Variants in SLC7A6OS observed in about 807,000 individuals in gnomAD.
SLC7A6OS encodes the protein solute carrier family 7 member 6 opposite strand, also known as probable RNA polymerase II nuclear localization protein SLC7A6OS.
A neutral mutation model predicts 34.3 loss-of-function variants in SLC7A6OS; 22 were observed. The observed-to-expected ratio is 0.64, with a 90% CI of 0.46 to 0.92. The LOEUF is 0.92. SLC7A6OS is among the 40% of genes least tolerant of loss of function. SLC7A6OS has a pLI of 0.00. For synonymous variants in SLC7A6OS, 199 were observed against 165.0 expected, an observed-to-expected ratio of 1.21 and a Z score of -1.58; for missense variants, 434 against 407.7, an observed-to-expected ratio of 1.06 and a Z score of -0.56.
intron 2 of SLC7A6OS, 67 bp from the exon 3 acceptor site, chr16:68,304,299 C>G: frequency 6.9e-7 from 1 of 1,446,078 alleles, no homozygotes; most frequent in Non-Finnish European, 9.7e-7. Context: ...GAGGAGGAAC[C>G]TATGAGTTGG....
At position 68,310,617 on chromosome 16, in the gene SLC7A6OS, G is replaced by C. The variant is rs753002487; in HGVS notation, c.193-4C>G. 2.9e-5 allele frequency: 46 copies of C among 1,591,744 alleles called. No homozygotes were observed. The South Asian group carries it at 4.9e-4, about 17-fold the overall frequency. ...GGAGAGGCTGGACTGGTTCCTCCTAGGGGGCAACAGGGGACGGAGGCCAGC... is the reference window on the plus strand; with the variant it reads ...GGAGAGGCTGGACTGGTTCCTCCTACGGGGCAACAGGGGACGGAGGCCAGC... On this transcript the variant is annotated splice_polypyrimidine_tract_variant and splice_region_variant and intron_variant, in intron 1 of 4. Coordinates refer to ENST00000263997, the MANE Select transcript of SLC7A6OS (RefSeq NM_032178.3).
chr16:68,298,622 T>C lies in SLC7A6OS; in HGVS notation c.*2653A>G, dbSNP rs1053561531. The C allele has an allele frequency of 1.3e-5, 2 of 152,246 alleles. No individual in the cohort carries two copies. The highest frequency in any genetic ancestry group is 4.8e-5 in the African/African-American group (2 of 41,458). The allele number at this position is 152,246 out of a possible 1,614,324, so 9.4% of individuals were successfully genotyped here. A position where few individuals can be genotyped will look rare whatever the true frequency, so the allele number is the denominator to read the frequency against. ...AGCTTGGTACTTGTGGGGACTTCTG[T>C]TTTCTCCCTGTGGAGATCAGTGAAG... On this transcript the variant is annotated 3_prime_UTR_variant, in exon 5 of 5. Transcript: ENST00000263997.
rs774366753 is a variant in SLC7A6OS at position 68,310,929 on chromosome 16, T to C, written c.-3A>G. On this transcript the variant is annotated 5_prime_UTR_variant, in exon 1 of 5. Transcript: ENST00000263997. The stretch of plus-strand genomic sequence containing the variant: ...ACAGCGGTCCTGGCGGCCTCCATAG[T>C]GGCTGCCGCTGAGCACTGTGGGAGC... 2 of 1,573,532 alleles carry C rather than the reference T, an allele frequency of 1.3e-6. No homozygotes were observed. Among genetic ancestry groups the C allele is most frequent in the South Asian group, 2.3e-5 (2 of 87,886 alleles).
chr16:68,307,985 T>C (rs1454667851), intron 2 of SLC7A6OS, among the ~76,000 whole-genome samples: 1 of 152,234 alleles, frequency 6.6e-6, no homozygotes, highest in East Asian at 1.9e-4. Flanking sequence ...CACTGCAACC[T>C]CTGCCTCCCG....
At chr16:68,310,635 A>G (rs1002815806) in intron 1 of SLC7A6OS, 22 bp from the exon 2 acceptor site, 4 of 1,586,052 alleles carry the variant, frequency 2.5e-6, no homozygotes, top group Non-Finnish European at 3.4e-6. Flanking sequence ...CAGGGGACGG[A>G]GGCCAGCGTA....
chr16:68,303,398 A>C (rs1359515675), intron 3 of SLC7A6OS, among the ~76,000 whole-genome samples: 1 of 152,058 alleles, frequency 6.6e-6, no homozygotes, highest in Non-Finnish European at 1.5e-5. Flanking sequence ...TGGACAACAT[A>C]GTGAGACCCT....
In SLC7A6OS at chr16:68,301,203, A is replaced by C. The variant is rs747495232; in HGVS notation, c.*72T>G. 51 of 1,558,034 alleles carry C rather than the reference A, an allele frequency of 3.3e-5. No individual in the cohort carries two copies. Among genetic ancestry groups the C allele is most frequent in the Non-Finnish European group, 4.3e-5 (49 of 1,147,236 alleles). ...AAGCTAGGAAACCTAACAGGATGTC[A>C]GCAGGGCAGTTAACTCTGGACTCAG... On this transcript the variant is annotated 3_prime_UTR_variant, in exon 5 of 5. Transcript: ENST00000263997.
Position 68,304,054 on chromosome 16 carries a change from A to T in SLC7A6OS, c.650T>A (p.Val217Glu). The T allele has an allele frequency of 1.2e-5, 19 of 1,613,814 alleles. No homozygotes were observed. The highest frequency in any genetic ancestry group is 1.6e-5 in the Non-Finnish European group (19 of 1,179,916). Residue 217 changes from valine to glutamate, a missense_variant, in exon 3 of 5, where the codon GTG (valine) becomes GAG (glutamate). Physicochemically the swap from Val to Glu is moderately radical, Grantham distance 121 (BLOSUM62 -2). Transcript: ENST00000263997. The part of the protein sequence containing the change: ...TPGWIENILS[V>E]QPYSQEWELV... ...CTCCCATTCTTGGCTGTAGGGCTGC[A>T]CGGAGAGGATGTTCTCAATCCAGCC...
Position 68,310,857 on chromosome 16 carries a change from C to G in SLC7A6OS, c.70G>C (p.Val24Leu), listed in dbSNP as rs35800405. 1 of 1,612,148 alleles carries G rather than the reference C, an allele frequency of 6.2e-7. No individual in the cohort carries two copies. Among genetic ancestry groups the G allele is most frequent in the East Asian group, 2.2e-5 (1 of 44,870 alleles). ...KRSAEPAEAL[V>L]LACKRLRSDA... ...CTCCGGAGGCGTTTACAAGCGAGCA[C>G]AAGAGCCTCCGCCGGCTCCGCACTG... Residue 24 changes from valine (V) to leucine (L), a missense_variant, in exon 1 of 5, where the codon GTG becomes CTG. Coordinates refer to ENST00000263997, the MANE Select transcript of SLC7A6OS (RefSeq NM_032178.3).
chr16:68,302,583 G>C, intron 3 of SLC7A6OS, 82 bp from the exon 4 acceptor site: 1 of 1,556,266 alleles, frequency 6.4e-7, no homozygotes, highest in Non-Finnish European at 8.8e-7. Context: ...ATACCAGCTT[G>C]AAGAGATATC....
At position 68,301,235 on chromosome 16, in the gene SLC7A6OS, C is replaced by T. The variant is rs761441585; in HGVS notation, c.*40G>A. On this transcript the variant is annotated 3_prime_UTR_variant, in exon 5 of 5. Coordinates refer to ENST00000263997, the MANE Select transcript of SLC7A6OS (RefSeq NM_032178.3). ...CAGTTAACTCTGGACTCAGAGCCCT[C>T]AAGGGCATGTGGCAGAACCTCATGG... 1 of 1,601,632 alleles carries T rather than the reference C, an allele frequency of 6.2e-7. No individual in the cohort carries two copies. The highest frequency in any genetic ancestry group is 8.5e-7 in the Non-Finnish European group (1 of 1,172,302).
chr16:68,308,881 G>A (rs980286986), intron 2 of SLC7A6OS, among the ~76,000 whole-genome samples: 4 of 151,462 alleles, frequency 2.6e-5, no homozygotes, highest in East Asian at 2.0e-4. Flanking sequence ...GCGAAACCCC[G>A]TCTCTACTAA....
rs189832343 is a variant in SLC7A6OS at position 68,301,699 on chromosome 16, T to C, written c.800-294A>G. On this transcript the variant is annotated intron_variant, in intron 4 of 4. Transcript: ENST00000263997. ...TGTTGTTGTAAGAGTTGTAGTCATATTGTAAATATTTTTGTACCTTTCTCC... is the reference window on the plus strand; with the variant it reads ...TGTTGTTGTAAGAGTTGTAGTCATACTGTAAATATTTTTGTACCTTTCTCC... 6.2e-3 allele frequency: 1,345 copies of C among 217,184 alleles called. 7 individuals are homozygous for C. The highest frequency in any genetic ancestry group is 0.015 in the Admixed American group (272 of 17,964). The allele number at this position is 217,184 out of a possible 1,614,324, so 13.5% of individuals were successfully genotyped here.
rs2043262509 is a variant in SLC7A6OS at position 68,301,014 on chromosome 16, T to C, written c.*261A>G. The C allele has an allele frequency of 1.8e-6, 2 of 1,126,606 alleles. No individual in the cohort carries two copies. The highest frequency in any genetic ancestry group is 2.2e-6 in the Non-Finnish European group (2 of 922,032). The allele number at this position is 1,126,606 out of a possible 1,614,324, so 69.8% of individuals were successfully genotyped here. ...CAAGAAGCTAAAGCTAAAGAAACCT[T>C]CCTTTTTTCAACGTTTTTTTTTCTT... On this transcript the variant is annotated 3_prime_UTR_variant, in exon 5 of 5. Transcript: ENST00000263997.
chr16:68,307,043 T>G (rs898181323), intron 2 of SLC7A6OS, among the ~76,000 whole-genome samples: 6 of 152,210 alleles, frequency 3.9e-5, no homozygotes, highest in Non-Finnish European at 8.8e-5. Context: ...TTTTGTACTG[T>G]TAAACATATA....
rs1269019882 is a variant in SLC7A6OS, at chr16:68,299,014, T to G, written c.*2261A>C. 6.6e-6 allele frequency: 1 copy of G among 152,632 alleles called. No individual in the cohort carries two copies. The highest frequency in any genetic ancestry group is 1.5e-5 in the Non-Finnish European group (1 of 68,040). 9.5% of individuals were successfully genotyped at this position (152,632 alleles called of 1,614,324 possible). ...TCAATAAAGATTGAAGGAAGCATGGTCATAGTTGCCCTGGGTTCAGAGCAT... is the reference window on the plus strand; with the variant it reads ...TCAATAAAGATTGAAGGAAGCATGGGCATAGTTGCCCTGGGTTCAGAGCAT... On this transcript the variant is annotated 3_prime_UTR_variant, in exon 5 of 5. Coordinates refer to ENST00000263997, the MANE Select transcript of SLC7A6OS (RefSeq NM_032178.3).
Position 68,310,527 on chromosome 16 carries a change from C to G in SLC7A6OS, c.279G>C (p.Ser93=). The G allele has an allele frequency of 1.3e-6, 2 of 1,583,336 alleles. No homozygotes were observed. Among genetic ancestry groups the G allele is most frequent in the Non-Finnish European group, 1.7e-6 (2 of 1,165,622 alleles). The part of the protein sequence containing the change: ...QQRVRRNLRA[S]AREVRQEGRY... ...GGCCCTCCTGCCGGACCTCCCGAGC[C>G]GAGGCGCGGAGATTACGGCGGACAC... is the stretch of plus-strand genomic sequence containing the variant. The change falls in exon 2 of 5, where the codon TCG becomes TCC. Residue 93 remains serine (S), a synonymous_variant. Coordinates refer to ENST00000263997, the MANE Select transcript of SLC7A6OS (RefSeq NM_032178.3).
intron 3 of SLC7A6OS, 97 bp downstream of exon 3, chr16:68,303,929 A>C: frequency 9.1e-7 from 1 of 1,098,000 alleles, no homozygotes; most frequent in South Asian, 1.4e-5. Context: ...AACTAAGGAC[A>C]ATGTTGTTCG....
At position 68,310,755 on chromosome 16, in the gene SLC7A6OS, C is replaced by T. The variant is rs1232956383; in HGVS notation, c.172G>A (p.Val58Met). ...RAAENNVFHL[V>M]ATVCSQEEPV... ...AATACCTGGGAGCACACAGTGGCCA[C>T]CAAGTGGAAGACATTATTCTCCGCC... Residue 58 changes from valine to methionine, a missense_variant, in exon 1 of 5, where the codon GTG becomes ATG. Physicochemically the swap from Val to Met is conservative, Grantham distance 21. Transcript: ENST00000263997. The T allele has an allele frequency of 3.1e-6, 5 of 1,610,552 alleles. No homozygotes were observed. In the Admixed American group the frequency reaches 8.4e-5, roughly 27 times the overall value.
Sources: gnomAD v4.1 joint callset for allele counts (sites outside exome capture counted in the v4.1 genomes callset) on GRCh38, gnomAD v4.1.1 for gene constraint, MANE v1.5 for transcripts, NCBI Gene and HGNC (gene_info 2026-07-23, HGNC 2026-07-21) for gene names.